RALGPS2: variants seen among roughly 807,000 people sequenced by gnomAD.
The protein encoded by RALGPS2 is ras-specific guanine nucleotide-releasing factor RalGPS2.
Under a neutral mutation model 86.8 loss-of-function variants are expected in RALGPS2, and 43 were observed. The ratio of observed to expected loss-of-function variants is 0.50; its 90% CI spans 0.39 to 0.64. The LOEUF (loss-of-function observed/expected upper bound fraction) is 0.64, where lower values mean the gene tolerates loss of function less well. Ranked by LOEUF, RALGPS2 falls within the 30% of genes least tolerant of loss-of-function variation. The pLI, the probability that RALGPS2 is intolerant of heterozygous loss-of-function variation, is 0.00. For missense variants in RALGPS2, 536 were observed against 694.6 expected, an observed-to-expected ratio of 0.77 and a Z score of 2.57; for synonymous variants, 243 against 231.3, an observed-to-expected ratio of 1.05 and a Z score of -0.46.
intron 1 of RALGPS2, among the ~76,000 whole-genome samples, chr1:178,732,673 ATAACT>A (rs375994005): frequency 9.9e-5 from 15 of 152,056 alleles, no homozygotes; most frequent in African/African-American, 3.6e-4. Flanking sequence ...GTTTTGATAA[ATAACT>A]TAAGACTTTT....
At chr1:178,742,095 C>T (rs1043398405) in intron 1 of RALGPS2, among the ~76,000 whole-genome samples, 13 of 147,848 alleles carry the variant, frequency 8.8e-5, no homozygotes, top group Middle Eastern at 3.3e-3. Context: ...GAGATCGTGC[C>T]GCTGCACTCC....
At chr1:178,751,075 C>T (rs1016628028) in intron 1 of RALGPS2, among the ~76,000 whole-genome samples, 1 of 152,070 alleles carries the variant, frequency 6.6e-6, no homozygotes, top group Non-Finnish European at 1.5e-5. Context: ...GTAAGTGCTT[C>T]TTGAGCTGGC....
At chr1:178,899,387 A>T (rs1325413562) in intron 17 of RALGPS2, among the ~76,000 whole-genome samples, 2 of 151,866 alleles carry the variant, frequency 1.3e-5, no homozygotes, top group African/African-American at 4.8e-5. Context: ...ATAATTAAAG[A>T]ATAAATTTGA....
intron 4 of RALGPS2, among the ~76,000 whole-genome samples, chr1:178,805,370 T>C (rs981892980): frequency 2.0e-5 from 3 of 151,682 alleles, no homozygotes; most frequent in African/African-American, 7.3e-5. Flanking sequence ...ATGTCCTGAA[T>C]GGTAATGCCT....
chr1:178,796,424 C>T (rs1009414173), intron 4 of RALGPS2, among the ~76,000 whole-genome samples: 1 of 152,076 alleles, frequency 6.6e-6, no homozygotes, highest in Admixed American at 6.6e-5. Flanking sequence ...ATGGATATGC[C>T]GTATTCCTCT....
At chr1:178,877,752 C>A (rs1659062888) in intron 9 of RALGPS2, 117 bp downstream of exon 9, 1 of 1,269,436 alleles carries the variant, frequency 7.9e-7, no homozygotes, top group Non-Finnish European at 1.1e-6. Context: ...TATTTCCATT[C>A]TAATGTAAAG....
At chr1:178,805,803 A>AT (rs1654714458) in intron 4 of RALGPS2, among the ~76,000 whole-genome samples, 1 of 152,076 alleles carries the variant, frequency 6.6e-6, no homozygotes, top group African/African-American at 2.4e-5. Context: ...AAGTAACTAT[A>AT]TTTTTTACAA....
At chr1:178,909,403 TTTGTTGTTGTTG>T (rs369628282) in intron 19 of RALGPS2, among the ~76,000 whole-genome samples, 1 of 151,586 alleles carries the variant, frequency 6.6e-6, no homozygotes, top group Non-Finnish European at 1.5e-5. Flanking sequence ...TATTTGGGCT[TTTGTTGTTGTTG>T]TTGTTGTTGT....
At chr1:178,804,069 CT>C (rs35448018) in intron 4 of RALGPS2, among the ~76,000 whole-genome samples, 32,906 of 142,578 alleles carry the variant, frequency 0.23, 4,084 homozygotes, top group Non-Finnish European at 0.31. Context: ...CAATCTATTC[CT>C]TTTTTTTTTT....
At chr1:178,888,109 G>A (rs1034165003) in intron 13 of RALGPS2, among the ~76,000 whole-genome samples, 5 of 151,954 alleles carry the variant, frequency 3.3e-5, no homozygotes, top group Non-Finnish European at 4.4e-5. Flanking sequence ...GTCTCAGTGT[G>A]GAGACTTTTC....
At chr1:178,794,390 A>G (rs574503917) in intron 4 of RALGPS2, among the ~76,000 whole-genome samples, 1 of 152,316 alleles carries the variant, frequency 6.6e-6, no homozygotes, top group South Asian at 2.1e-4. Flanking sequence ...CTGGGATTAC[A>G]GGTGTGAGCC....
At chr1:178,843,666 AAG>A (rs1656721955) in intron 8 of RALGPS2, among the ~76,000 whole-genome samples, 1 of 151,328 alleles carries the variant, frequency 6.6e-6, no homozygotes, top group African/African-American at 2.4e-5. Context: ...AAAAAAAAAA[AAG>A]AAAGAAAGAA....
rs1440724160 is a variant in RALGPS2 at position 178,921,062 on chromosome 1, G to A, written c.*4703G>A. ...ATTGGAAGACCTAGAGCTACTGGAT[G>A]TTAACCTGAATCAAGATGTTCTTTT... On this transcript the variant is annotated 3_prime_UTR_variant, in exon 20 of 20. Transcript: ENST00000367635. The A allele has an allele frequency of 6.6e-6, 1 of 152,020 alleles. No individual in the cohort carries two copies. The highest frequency in any genetic ancestry group is 1.9e-4 in the East Asian group (1 of 5,194). 9.4% of individuals were successfully genotyped at this position (152,020 alleles called of 1,614,324 possible).
At chr1:178,832,809 T>C (rs1267446973) in intron 7 of RALGPS2, among the ~76,000 whole-genome samples, 1 of 151,916 alleles carries the variant, frequency 6.6e-6, no homozygotes, top group East Asian at 1.9e-4. Flanking sequence ...CCCTTGATTA[T>C]TTACATTGAT....
intron 1 of RALGPS2, among the ~76,000 whole-genome samples, chr1:178,746,398 G>A (rs1021813384): frequency 3.3e-5 from 5 of 152,012 alleles, no homozygotes; most frequent in African/African-American, 7.3e-5. Context: ...AGTAGGAATG[G>A]CAGTACAATA....
intron 8 of RALGPS2, chr1:178,865,260 T>A: frequency 6.2e-7 from 1 of 1,614,132 alleles, no homozygotes; most frequent in Non-Finnish European, 8.5e-7. Context: ...TCTAGTTCCC[T>A]GTATCTTGTT....
intron 7 of RALGPS2, among the ~76,000 whole-genome samples, chr1:178,824,491 C>A (rs2102231057): frequency 6.6e-6 from 1 of 152,084 alleles, no homozygotes; most frequent in South Asian, 2.1e-4. Flanking sequence ...AGATTTAGTA[C>A]CCTAGTGTAT....
intron 19 of RALGPS2, among the ~76,000 whole-genome samples, chr1:178,915,878 T>C (rs1194645882): frequency 6.6e-6 from 1 of 152,256 alleles, no homozygotes; most frequent in Non-Finnish European, 1.5e-5. Flanking sequence ...TACAAATAAA[T>C]TCTTAGTAAT....
intron 1 of RALGPS2, among the ~76,000 whole-genome samples, chr1:178,733,085 C>G (rs1381316705): frequency 6.6e-6 from 1 of 152,074 alleles, no homozygotes; most frequent in African/African-American, 2.4e-5. Flanking sequence ...CGTAGGGATT[C>G]TTTGTTCCTT....
Sources: gnomAD v4.1 joint callset for allele counts (sites outside exome capture counted in the v4.1 genomes callset) on GRCh38, gnomAD v4.1.1 for gene constraint, MANE v1.5 for transcripts, NCBI Gene and HGNC (gene_info 2026-07-23, HGNC 2026-07-21) for gene names.